The following ACTG2 variants were observed in gnomAD, a reference collection of about 807,000 sequenced individuals.
ACTG2 encodes the protein actin gamma 2, smooth muscle, also known as actin, gamma-enteric smooth muscle.
In ACTG2, 16 loss-of-function variants were observed where a neutral mutation model predicts 37.6. The ratio of observed to expected loss-of-function variants is 0.43; its 90% CI spans 0.29 to 0.65. The LOEUF (loss-of-function observed/expected upper bound fraction) is 0.65. Among genes scored for constraint, ACTG2 ranks in the 30% least tolerant of loss-of-function variants. The pLI, the probability that ACTG2 is intolerant of heterozygous loss-of-function variation, is 0.18. For synonymous variants in ACTG2, 181 were observed against 179.9 expected (o/e 1.01, Z -0.05); for missense variants, 238 against 490.9 (o/e 0.48, Z 4.87).
chr2:73,909,661 T>C (rs1446396799), intron 5 of ACTG2, among the ~76,000 whole-genome samples: 2 of 152,166 alleles, frequency 1.3e-5, no homozygotes, highest in Admixed American at 6.5e-5. Flanking sequence ...ATTAATACTG[T>C]AGGGAACTGT....
intron 1 of ACTG2, among the ~76,000 whole-genome samples, chr2:73,900,274 A>T (rs1329977506): frequency 6.6e-6 from 1 of 152,082 alleles, no homozygotes; most frequent in Non-Finnish European, 1.5e-5. Flanking sequence ...GGGTCCTCCC[A>T]GGGTAGGAGG....
chr2:73,915,987 A>G (rs1680258741), intron 7 of ACTG2, among the ~76,000 whole-genome samples: 1 of 152,206 alleles, frequency 6.6e-6, no homozygotes, highest in African/African-American at 2.4e-5. Flanking sequence ...GCTTCTGTGG[A>G]TATACTGAAA....
chr2:73,899,339 G>A (rs1164270121), intron 1 of ACTG2, among the ~76,000 whole-genome samples: 1 of 152,070 alleles, frequency 6.6e-6, no homozygotes, highest in Non-Finnish European at 1.5e-5. Flanking sequence ...GGGCATGCCT[G>A]TGATCCCAGC....
At chr2:73,896,553 CA>C (rs1286378863) in intron 1 of ACTG2, among the ~76,000 whole-genome samples, 1 of 151,946 alleles carries the variant, frequency 6.6e-6, no homozygotes, top group African/African-American at 2.4e-5. Context: ...AAAGGGGAAC[CA>C]GGAGGGAGAA....
At chr2:73,898,802 C>CTTTTTTTTT (rs1165118275) in intron 1 of ACTG2, among the ~76,000 whole-genome samples, 4 of 93,018 alleles carry the variant, frequency 4.3e-5, no homozygotes, top group Non-Finnish European at 9.7e-5. Flanking sequence ...TTTTTTTTTT[C>CTTTTTTTTT]TTTTTTTTTT....
At chr2:73,901,681 T>A (rs1170691667) in intron 2 of ACTG2, 1 of 610,330 alleles carries the variant, frequency 1.6e-6, no homozygotes, top group Non-Finnish European at 2.5e-6. Flanking sequence ...CAGGACCCTT[T>A]AAATAGAAAT....
intron 7 of ACTG2, 94 bp from the exon 8 acceptor site, chr2:73,916,490 A>C: frequency 3.6e-3 from 2,944 of 815,890 alleles, no homozygotes; most frequent in Non-Finnish European, 5.1e-3. Flanking sequence ...GAACTAGGGT[A>C]GTTGCAACAA....
At chr2:73,894,259 C>G in intron 1 of ACTG2, among the ~76,000 whole-genome samples, 1 of 152,182 alleles carries the variant, frequency 6.6e-6, no homozygotes, top group East Asian at 1.9e-4. Context: ...GGTCTGGGAC[C>G]ACACTTTGTA....
intron 1 of ACTG2, among the ~76,000 whole-genome samples, chr2:73,895,901 C>T (rs1679737362): frequency 6.6e-6 from 1 of 152,208 alleles, no homozygotes. Context: ...ACCATTGTAA[C>T]AAAAGCAGCC....
In ACTG2 at chr2:73,916,756, G is replaced by T. The variant is rs1227184545; in HGVS notation, c.978G>T (p.Met326Ile). ...KEITALAPST[M>I]KIKIIAPPER... ...TCACAGCCCTGGCCCCCAGCACCATGAAGATCAAGGTGGGTCTTGCCTCAG... is the reference window on the plus strand; with the variant it reads ...TCACAGCCCTGGCCCCCAGCACCATTAAGATCAAGGTGGGTCTTGCCTCAG... Residue 326 changes from methionine (M) to isoleucine (I), a missense_variant, in exon 8 of 9, where the codon ATG (methionine) becomes ATT (isoleucine). By Grantham distance (10) the Met-to-Ile change is conservative (BLOSUM62 1). Transcript: ENST00000345517. 6.2e-7 allele frequency: 1 copy of T among 1,613,686 alleles called. No individual in the cohort carries two copies. Among genetic ancestry groups the T allele is most frequent in the South Asian group, 1.1e-5 (1 of 91,030 alleles).
rs147290929 is a variant in ACTG2 at position 73,893,494 on chromosome 2, T to G, written c.-37+443T>G. Among the ~76,000 whole-genome samples, 6 of 152,298 alleles carry G rather than the reference T, an allele frequency of 3.9e-5. No individual in the cohort carries two copies. In the East Asian group the frequency reaches 9.6e-4, roughly 24 times the overall value. ...TGGTGTCTGTGAGCTGTTTAGTCCA[T>G]GAAATGTCTGTGCTGGGAATGGGAG... On this transcript the variant is annotated intron_variant, in intron 1 of 8. Coordinates refer to ENST00000345517, the MANE Select transcript of ACTG2 (RefSeq NM_001615.4).
At chr2:73,909,495 C>T (rs766371869) in intron 5 of ACTG2, among the ~76,000 whole-genome samples, 1 of 152,144 alleles carries the variant, frequency 6.6e-6, no homozygotes, top group Non-Finnish European at 1.5e-5. Context: ...GACAGGGATA[C>T]GTTCCGAGAA....
At chr2:73,909,640 A>G (rs1301216645) in intron 5 of ACTG2, among the ~76,000 whole-genome samples, 1 of 152,222 alleles carries the variant, frequency 6.6e-6, no homozygotes, top group Non-Finnish European at 1.5e-5. Context: ...ACAGTATAGC[A>G]TTTAACTATA....
chr2:73,895,137 G>A (rs927186940), intron 1 of ACTG2, among the ~76,000 whole-genome samples: 5 of 152,070 alleles, frequency 3.3e-5, no homozygotes, highest in South Asian at 2.1e-4. Flanking sequence ...GGGCAGCTCC[G>A]GGCAGAGGCT....
intron 1 of ACTG2, among the ~76,000 whole-genome samples, chr2:73,895,096 T>C (rs13415017): frequency 0.31 from 46,493 of 151,794 alleles, 7,593 homozygotes; most frequent in Admixed American, 0.39. Context: ...GCATTGGGCA[T>C]GGGCTCAGGG....
chr2:73,906,975 TC>T (rs967823099), intron 3 of ACTG2, among the ~76,000 whole-genome samples: 2 of 152,118 alleles, frequency 1.3e-5, no homozygotes, highest in Non-Finnish European at 2.9e-5. Context: ...TGGGGTCCCC[TC>T]CTTAAGACCA....
At chr2:73,899,634 A>G (rs1279033185) in intron 1 of ACTG2, among the ~76,000 whole-genome samples, 1 of 152,206 alleles carries the variant, frequency 6.6e-6, no homozygotes, top group Non-Finnish European at 1.5e-5. Flanking sequence ...ATTTATAAAA[A>G]TGTCACATGA....
At chr2:73,909,330 A>C (rs900205179) in intron 5 of ACTG2, among the ~76,000 whole-genome samples, 191 bp downstream of exon 5, 18 of 152,328 alleles carry the variant, frequency 1.2e-4, no homozygotes, top group Middle Eastern at 3.4e-3. Flanking sequence ...AGTTGGAAAA[A>C]ACATCCAGCA....
At chr2:73,900,429 A>G (rs1382067672) in intron 1 of ACTG2, among the ~76,000 whole-genome samples, 1 of 152,266 alleles carries the variant, frequency 6.6e-6, no homozygotes, top group Non-Finnish European at 1.5e-5. Flanking sequence ...AGAGAAAGAA[A>G]GAATGCGTGC....
Sources: gnomAD v4.1 joint callset for allele counts (sites outside exome capture counted in the v4.1 genomes callset) on GRCh38, gnomAD v4.1.1 for gene constraint, MANE v1.5 for transcripts, NCBI Gene and HGNC (gene_info 2026-07-23, HGNC 2026-07-21) for gene names.